CDH13: variants seen among roughly 807,000 people sequenced by gnomAD.
CDH13 encodes the protein cadherin-13.
CDH13 carries 24 observed loss-of-function variants against 63.8 expected under a neutral mutation model. The ratio of observed to expected loss-of-function variants is 0.38; its 90% CI spans 0.27 to 0.53. The LOEUF (loss-of-function observed/expected upper bound fraction) is 0.53, where lower values mean the gene tolerates loss of function less well. CDH13 is among the 20% of genes least tolerant of loss of function. CDH13 has a pLI of 0.85. For synonymous variants in CDH13, 503 were observed against 355.3 expected, an observed-to-expected ratio of 1.42 and a Z score of -4.67; for missense variants, 1,049 against 903.1, an observed-to-expected ratio of 1.16 and a Z score of -2.07.
rs534991950 is a variant in CDH13 at position 83,799,985 on chromosome 16, T to C, written c.*4955T>C. ...CAGTCTATAATTTAAGCAGAAATAA[T>C]TGAGATACTCATCAAATTAAGTAAG... is the stretch of plus-strand genomic sequence containing the variant. On this transcript the variant is annotated 3_prime_UTR_variant, in exon 14 of 14. Transcript: ENST00000567109. The C allele has an allele frequency of 8.3e-4, 127 of 152,344 alleles. No individual in the cohort carries two copies. Among genetic ancestry groups the C allele is most frequent in the African/African-American group, 3.0e-3 (124 of 41,588 alleles). 9.4% of individuals were successfully genotyped at this position (152,344 alleles called of 1,614,324 possible).
chr16:83,529,704 A>G (rs2075040361), intron 7 of CDH13, among the ~76,000 whole-genome samples: 1 of 152,196 alleles, frequency 6.6e-6, no homozygotes, highest in Admixed American at 6.5e-5. Flanking sequence ...TAATACAAGC[A>G]CAAAGGAAAA....
chr16:83,332,290 T>G (rs1019436125), intron 5 of CDH13, among the ~76,000 whole-genome samples: 1 of 152,092 alleles, frequency 6.6e-6, no homozygotes, highest in Non-Finnish European at 1.5e-5. Context: ...AGAAGGGCCT[T>G]CTCCCCTGTA....
At chr16:83,679,193 A>T (rs371871278) in intron 10 of CDH13, among the ~76,000 whole-genome samples, 3 of 152,224 alleles carry the variant, frequency 2.0e-5, no homozygotes, top group Non-Finnish European at 4.4e-5. Context: ...ATTTAATTAA[A>T]TGGTCGCTAT....
chr16:83,730,151 T>C (rs1910880563), intron 10 of CDH13, among the ~76,000 whole-genome samples: 1 of 152,244 alleles, frequency 6.6e-6, no homozygotes, highest in South Asian at 2.1e-4. Context: ...CCCTGATTGA[T>C]TTTTTATTTT....
intron 5 of CDH13, among the ~76,000 whole-genome samples, chr16:83,299,423 A>C (rs1187795494): frequency 6.6e-6 from 1 of 152,158 alleles, no homozygotes; most frequent in Non-Finnish European, 1.5e-5. Context: ...CTTGCAGCAC[A>C]TACACTCTTG....
At chr16:83,569,823 G>T (rs1292775162) in intron 7 of CDH13, among the ~76,000 whole-genome samples, 1 of 152,114 alleles carries the variant, frequency 6.6e-6, no homozygotes, top group African/African-American at 2.4e-5. Context: ...TGCAACCTCT[G>T]CCTCCCGGGT....
intron 4 of CDH13, among the ~76,000 whole-genome samples, chr16:83,197,774 TCTCACACACTCACACACTCATATG>T (rs2038917133): frequency 6.7e-6 from 1 of 149,358 alleles, no homozygotes; most frequent in Admixed American, 6.8e-5. Context: ...ACACACACAC[TCTCACACACTCACACACTCATATG>T]CTCACACACT....
chr16:82,848,817 T>G (rs1397389623), intron 1 of CDH13, among the ~76,000 whole-genome samples: 1 of 152,218 alleles, frequency 6.6e-6, no homozygotes, highest in Non-Finnish European at 1.5e-5. Flanking sequence ...TGTCTCTCTC[T>G]TTAAATCAAA....
chr16:83,662,450 T>G (rs2150839761), intron 8 of CDH13, among the ~76,000 whole-genome samples: 1 of 152,350 alleles, frequency 6.6e-6, no homozygotes, highest in East Asian at 1.9e-4. Flanking sequence ...TGATTATGTT[T>G]TCTTAAAAAG....
chr16:83,431,673 C>A lies in CDH13; in HGVS notation c.782-54804C>A, dbSNP rs1005856267. Among the ~76,000 whole-genome samples the A allele has an allele frequency of 2.6e-5, 4 of 152,088 alleles. No homozygotes were observed. In the East Asian group the frequency reaches 7.7e-4, roughly 29 times the overall value. ...AATGAGGTATCTCACATGGTGAGAG[C>A]AGGAGCAAAAGAGAGCAAGAGGGGA... On this transcript the variant is annotated intron_variant, in intron 6 of 13. Transcript: ENST00000567109.
intron 5 of CDH13, among the ~76,000 whole-genome samples, chr16:83,315,811 T>C (rs2090093577): frequency 6.6e-6 from 1 of 152,158 alleles, no homozygotes; most frequent in African/African-American, 2.4e-5. Flanking sequence ...GAATGTTCTT[T>C]CAGTTCATTT....
chr16:83,046,736 C>A (rs1917819007), intron 3 of CDH13, among the ~76,000 whole-genome samples: 2 of 152,170 alleles, frequency 1.3e-5, no homozygotes, highest in Admixed American at 6.5e-5. Flanking sequence ...GCAACAGCCC[C>A]AGAATGCCTC....
intron 7 of CDH13, among the ~76,000 whole-genome samples, chr16:83,564,961 G>A (rs1009589010): frequency 1.3e-5 from 2 of 152,126 alleles, no homozygotes; most frequent in African/African-American, 4.8e-5. Context: ...GTTGTTTTCA[G>A]TTAGAAGCAG....
At chr16:83,213,120 C>G (rs1031323106) in intron 4 of CDH13, among the ~76,000 whole-genome samples, 2 of 152,142 alleles carry the variant, frequency 1.3e-5, no homozygotes, top group Non-Finnish European at 2.9e-5. Flanking sequence ...GTGTGCAGTG[C>G]TAAGCTGGGG....
chr16:83,033,879 C>G (rs943197864), intron 3 of CDH13, among the ~76,000 whole-genome samples: 2 of 152,146 alleles, frequency 1.3e-5, no homozygotes, highest in Non-Finnish European at 2.9e-5. Flanking sequence ...TCTCTCCTAC[C>G]TGCGAGCTTG....
intron 6 of CDH13, among the ~76,000 whole-genome samples, chr16:83,448,857 G>C (rs991298161): frequency 1.3e-5 from 2 of 152,176 alleles, no homozygotes; most frequent in Admixed American, 1.3e-4. Context: ...AGAAGTTTCT[G>C]AGCAAAGGTC....
intron 7 of CDH13, among the ~76,000 whole-genome samples, chr16:83,524,904 C>T (rs957141007): frequency 1.3e-5 from 2 of 152,066 alleles, no homozygotes; most frequent in Non-Finnish European, 2.9e-5. Context: ...GAGTGGGTTC[C>T]GTGGGCTGTA....
intron 1 of CDH13, among the ~76,000 whole-genome samples, chr16:82,852,063 C>T (rs556704245): frequency 6.6e-6 from 1 of 152,310 alleles, no homozygotes; most frequent in African/African-American, 2.4e-5. Context: ...AAAATACCTT[C>T]TTGGAGCTGG....
At chr16:83,386,206 A>G (rs963125997) in intron 6 of CDH13, among the ~76,000 whole-genome samples, 2 of 152,230 alleles carry the variant, frequency 1.3e-5, no homozygotes, top group African/African-American at 4.8e-5. Flanking sequence ...TCACTATGAC[A>G]AGAATTAACC....
Sources: allele counts gnomAD v4.1 joint callset (sites outside exome capture counted in the v4.1 genomes callset), GRCh38; gene constraint gnomAD v4.1.1; transcripts MANE v1.5; gene names NCBI Gene and HGNC (gene_info 2026-07-23, HGNC 2026-07-21).